HS6ST2: variants seen among roughly 807,000 people sequenced by gnomAD.
HS6ST2 encodes heparan-sulfate 6-O-sulfotransferase 2.
Under a neutral mutation model 33.0 loss-of-function variants are expected in HS6ST2, and 17 were observed. The observed-to-expected ratio is 0.52, with a 90% confidence interval of 0.35 to 0.77. HS6ST2 has a LOEUF of 0.77. Among genes scored for constraint, HS6ST2 ranks in the 30% least tolerant of loss-of-function variants. The pLI, the probability that HS6ST2 is intolerant of heterozygous loss-of-function variation, is 0.01. For missense variants in HS6ST2, 519 were observed against 551.7 expected (o/e 0.94, Z 0.59); for synonymous variants, 248 against 237.1 (o/e 1.05, Z -0.42).
intron 3 of HS6ST2, among the ~76,000 whole-genome samples, chrX:132,679,265 C>G (rs552247567): frequency 5.4e-5 from 6 of 111,976 alleles, no homozygotes; most frequent in Admixed American, 4.7e-4. Flanking sequence ...CCTATAGTCA[C>G]GTAGGTTCTT....
intron 2 of HS6ST2, among the ~76,000 whole-genome samples, chrX:132,754,412 A>G (rs2064737300): frequency 9.3e-6 from 1 of 107,089 alleles, no homozygotes; most frequent in South Asian, 4.2e-4. Flanking sequence ...CCCTTTCCAT[A>G]CTGCACTTTT....
intron 2 of HS6ST2, among the ~76,000 whole-genome samples, chrX:132,834,223 T>C (rs1010442537): frequency 8.9e-6 from 1 of 112,005 alleles, no homozygotes; most frequent in Non-Finnish European, 1.9e-5. Flanking sequence ...TTAGAACACT[T>C]ACTATGCACC....
intron 2 of HS6ST2, among the ~76,000 whole-genome samples, chrX:132,734,886 G>A (rs954211521): frequency 2.7e-5 from 3 of 111,127 alleles, no homozygotes; most frequent in African/African-American, 9.9e-5. Context: ...AACAGAAAGA[G>A]CAATGACAGA....
chrX:132,724,325 T>A (rs2064370788), intron 2 of HS6ST2, among the ~76,000 whole-genome samples: 1 of 111,698 alleles, frequency 9.0e-6, no homozygotes, highest in South Asian at 3.7e-4. Flanking sequence ...AATTACAAAA[T>A]CAACATACAA....
At chrX:132,882,513 A>C (rs1265492094) in intron 2 of HS6ST2, among the ~76,000 whole-genome samples, 1 of 102,432 alleles carries the variant, frequency 9.8e-6, no homozygotes, top group Non-Finnish European at 2.0e-5. Context: ...TATGAGCTTA[A>C]GGACATTTTG....
At chrX:132,753,950 T>C in intron 2 of HS6ST2, among the ~76,000 whole-genome samples, 1 of 112,641 alleles carries the variant, frequency 8.9e-6, no homozygotes, top group South Asian at 3.7e-4. Flanking sequence ...CATAAACATC[T>C]CTTGATTAAT....
At chrX:132,883,564 C>T (rs2066209507) in intron 2 of HS6ST2, among the ~76,000 whole-genome samples, 1 of 111,313 alleles carries the variant, frequency 9.0e-6, no homozygotes, top group Non-Finnish European at 1.9e-5. Flanking sequence ...GCGCCCTTAA[C>T]ATAAGTAACT....
intron 2 of HS6ST2, among the ~76,000 whole-genome samples, chrX:132,858,672 A>T (rs1267985750): frequency 8.9e-6 from 1 of 111,988 alleles, no homozygotes; most frequent in East Asian, 2.8e-4. Context: ...AGAAAAAGGG[A>T]TTGTTTGGCA....
At chrX:132,728,697 GAA>G in intron 2 of HS6ST2, among the ~76,000 whole-genome samples, 1 of 112,422 alleles carries the variant, frequency 8.9e-6, no homozygotes, top group Admixed American at 9.4e-5. Context: ...ATAAGGGAAA[GAA>G]GAGCACGGCC....
At position 132,669,185 on chromosome X, in the gene HS6ST2, C is replaced by T. The variant is rs768284415; in HGVS notation, c.995G>A (p.Gly332Asp). 6.6e-6 allele frequency: 8 copies of T among 1,206,491 alleles called. No individual in the cohort carries two copies. The highest frequency in any genetic ancestry group is 2.2e-5 in the Admixed American group (1 of 45,837). Residue 332 changes from glycine (G) to aspartate (D), a missense_variant, in exon 4 of 5, where the codon GGT becomes GAT. Transcript: ENST00000370833. The stretch of plus-strand genomic sequence containing the variant: ...GGCGCCTGCGTTAGTGTTTGGAGAA[C>T]CCCGTTTATCCTTACTATACCCACA... ...ILDAASKDKR[G>D]SPNTNAGANS...
At chrX:132,821,244 T>G (rs1274086605) in intron 2 of HS6ST2, among the ~76,000 whole-genome samples, 4 of 95,025 alleles carry the variant, frequency 4.2e-5, no homozygotes, top group Non-Finnish European at 8.3e-5. Context: ...ACAGAGTCTC[T>G]CTCTGTCGCC....
At chrX:132,668,987 A>G (rs1309289247) in intron 4 of HS6ST2, 126 bp downstream of exon 4, 1 of 461,122 alleles carries the variant, frequency 2.2e-6, no homozygotes, top group Non-Finnish European at 3.8e-6. Flanking sequence ...TGACGAGCCC[A>G]GTGGGAGGCA....
chrX:132,871,537 C>T (rs1406672355), intron 2 of HS6ST2, among the ~76,000 whole-genome samples: 1 of 111,881 alleles, frequency 8.9e-6, no homozygotes, highest in Non-Finnish European at 1.9e-5. Context: ...ACCCAAATGC[C>T]CATCAATGAC....
At chrX:132,704,269 T>C (rs1261882534) in intron 3 of HS6ST2, among the ~76,000 whole-genome samples, 2 of 112,384 alleles carry the variant, frequency 1.8e-5, no homozygotes. Context: ...AGAAAGACGA[T>C]TTTGGCCAGG....
chrX:132,846,334 A>G (rs1377522275), intron 2 of HS6ST2, among the ~76,000 whole-genome samples: 1 of 112,390 alleles, frequency 8.9e-6, no homozygotes, highest in African/African-American at 3.2e-5. Context: ...TCTCAAGTGA[A>G]TAAGGTAATC....
chrX:132,757,035 G>T (rs2064762619), intron 2 of HS6ST2, among the ~76,000 whole-genome samples: 1 of 111,347 alleles, frequency 9.0e-6, no homozygotes. Context: ...GTAAAGCCCT[G>T]GGGGTAAAAG....
chrX:132,703,906 T>G (rs995256876), intron 3 of HS6ST2, among the ~76,000 whole-genome samples: 1 of 111,956 alleles, frequency 8.9e-6, no homozygotes, highest in African/African-American at 3.2e-5. Context: ...CTAAACTAAA[T>G]TAAATTGTCA....
chrX:132,794,137 T>G (rs376569601), intron 2 of HS6ST2, among the ~76,000 whole-genome samples: 2 of 112,419 alleles, frequency 1.8e-5, no homozygotes, highest in South Asian at 3.7e-4. Context: ...AGCTGTGTCT[T>G]GAGAGACAGG....
chrX:132,795,034 G>A (rs1027644421), intron 2 of HS6ST2, among the ~76,000 whole-genome samples: 1 of 110,580 alleles, frequency 9.0e-6, no homozygotes, highest in Non-Finnish European at 1.9e-5. Context: ...ATTCATAGGC[G>A]AGAGCAAAGG....
Sources: gnomAD v4.1 joint callset for allele counts (sites outside exome capture counted in the v4.1 genomes callset) on GRCh38, gnomAD v4.1.1 for gene constraint, MANE v1.5 for transcripts, NCBI Gene and HGNC (gene_info 2026-07-23, HGNC 2026-07-21) for gene names.